Variants in CNTN3 observed in about 807,000 individuals in gnomAD.
The protein encoded by CNTN3 is contactin 3.
Under a neutral mutation model 119.1 loss-of-function variants are expected in CNTN3, and 60 were observed. The ratio of observed to expected loss-of-function variants is 0.50; its 90% CI spans 0.41 to 0.62. CNTN3 has a LOEUF of 0.62. CNTN3 is among the 20% of genes least tolerant of loss of function. The pLI, the probability that CNTN3 is intolerant of heterozygous loss-of-function variation, is 0.00. For synonymous variants in CNTN3, 450 were observed against 438.7 expected (o/e 1.03, Z -0.32); for missense variants, 1,101 against 1,242.4 (o/e 0.89, Z 1.71).
At chr3:74,571,150 C>T (rs1378851580) in intron 1 of CNTN3, among the ~76,000 whole-genome samples, 1 of 152,136 alleles carries the variant, frequency 6.6e-6, no homozygotes, top group Non-Finnish European at 1.5e-5. Context: ...AATTCTTCCC[C>T]TAGGTTGCAG....
intron 4 of CNTN3, among the ~76,000 whole-genome samples, chr3:74,462,026 T>A (rs1175304547): frequency 6.6e-6 from 1 of 152,088 alleles, no homozygotes; most frequent in East Asian, 1.9e-4. Flanking sequence ...GATCGATCCC[T>A]CATGAATAGT....
chr3:74,476,592 A>G (rs1702659729), intron 4 of CNTN3, among the ~76,000 whole-genome samples: 1 of 152,148 alleles, frequency 6.6e-6, no homozygotes, highest in South Asian at 2.1e-4. Context: ...GCAGGTTAGC[A>G]TTTGCAATAT....
At chr3:74,269,972 G>T (rs971852279) in intron 20 of CNTN3, among the ~76,000 whole-genome samples, 3 of 152,152 alleles carry the variant, frequency 2.0e-5, no homozygotes, top group African/African-American at 7.2e-5. Flanking sequence ...CTACAGAACT[G>T]TATGTTTTTA....
chr3:74,414,390 C>G (rs1701486751), intron 5 of CNTN3, among the ~76,000 whole-genome samples: 1 of 152,176 alleles, frequency 6.6e-6, no homozygotes, highest in Non-Finnish European at 1.5e-5. Context: ...AATACTTCAA[C>G]TCTTGTACTT....
At chr3:74,613,912 G>A (rs766792805) in intron 1 of CNTN3, among the ~76,000 whole-genome samples, 2 of 152,188 alleles carry the variant, frequency 1.3e-5, no homozygotes, top group Non-Finnish European at 2.9e-5. Flanking sequence ...AGAAAATGCA[G>A]CTTAGAAAAC....
intron 11 of CNTN3, among the ~76,000 whole-genome samples, chr3:74,343,311 C>A (rs552668828): frequency 6.6e-4 from 100 of 152,272 alleles, no homozygotes; most frequent in African/African-American, 2.3e-3. Context: ...TCTCTATGTG[C>A]AGCAAACACC....
At chr3:74,403,242 A>G (rs1392424082) in intron 5 of CNTN3, among the ~76,000 whole-genome samples, 1 of 152,212 alleles carries the variant, frequency 6.6e-6, no homozygotes, top group Non-Finnish European at 1.5e-5. Context: ...AGAGATGGAC[A>G]GTTTCAACAA....
chr3:74,348,645 C>G (rs537232576), intron 11 of CNTN3, among the ~76,000 whole-genome samples: 1 of 152,298 alleles, frequency 6.6e-6, no homozygotes, highest in Admixed American at 6.5e-5. Flanking sequence ...CACCTATCTT[C>G]CAGCTGCTGT....
At chr3:74,604,803 T>A (rs549205526) in intron 1 of CNTN3, among the ~76,000 whole-genome samples, 1 of 152,140 alleles carries the variant, frequency 6.6e-6, no homozygotes, top group African/African-American at 2.4e-5. Flanking sequence ...ATACTGGGCA[T>A]ATAGTCAAAG....
chr3:74,472,402 C>T (rs1456159924), intron 4 of CNTN3, among the ~76,000 whole-genome samples: 1 of 152,112 alleles, frequency 6.6e-6, no homozygotes, highest in Non-Finnish European at 1.5e-5. Flanking sequence ...GATTAAGTTA[C>T]CTGTCAATGG....
At chr3:74,362,868 C>G (rs890930179) in intron 10 of CNTN3, among the ~76,000 whole-genome samples, 1 of 152,096 alleles carries the variant, frequency 6.6e-6, no homozygotes, top group Non-Finnish European at 1.5e-5. Context: ...AATCATATTA[C>G]GTAATTATAC....
intron 4 of CNTN3, among the ~76,000 whole-genome samples, chr3:74,449,108 G>A (rs148199659): frequency 6.6e-6 from 1 of 151,924 alleles, no homozygotes; most frequent in South Asian, 2.1e-4. Flanking sequence ...GCCAACTCAG[G>A]TCTTTACAGA....
At chr3:74,384,415 A>G (rs1159427371) in intron 5 of CNTN3, among the ~76,000 whole-genome samples, 1 of 152,244 alleles carries the variant, frequency 6.6e-6, no homozygotes, top group Admixed American at 6.5e-5. Context: ...AAATATGTAG[A>G]ACTGCAGTAA....
chr3:74,458,429 T>G (rs1702307857), intron 4 of CNTN3, among the ~76,000 whole-genome samples: 1 of 151,998 alleles, frequency 6.6e-6, no homozygotes, highest in African/African-American at 2.4e-5. Flanking sequence ...GAATAACTTT[T>G]CATGACATGT....
chr3:74,307,913 T>C lies in CNTN3; in HGVS notation c.1669-5106A>G, dbSNP rs192599648. On this transcript the variant is annotated intron_variant, in intron 13 of 22. Coordinates refer to ENST00000263665, the MANE Select transcript of CNTN3 (RefSeq NM_020872.3). ...ATGGCTATTTGGAACCGAGGTTGAG[T>C]AAGCAGTCCTCTTTTTTTATGACTT... Among the ~76,000 whole-genome samples, 33 of 152,328 alleles carry C rather than the reference T, an allele frequency of 2.2e-4. 1 individual carries two copies. Among genetic ancestry groups the C allele is most frequent in the Admixed American group, 1.9e-3 (29 of 15,300 alleles).
chr3:74,484,728 AG>A (rs1702821410), intron 4 of CNTN3, among the ~76,000 whole-genome samples: 1 of 152,152 alleles, frequency 6.6e-6, no homozygotes, highest in South Asian at 2.1e-4. Flanking sequence ...CCCCAAAACC[AG>A]AAATTAGCCT....
intron 1 of CNTN3, among the ~76,000 whole-genome samples, chr3:74,604,074 TC>T (rs1704955565): frequency 6.6e-6 from 1 of 152,084 alleles, no homozygotes; most frequent in Non-Finnish European, 1.5e-5. Context: ...GAAGGGACAG[TC>T]TCTTCAATAC....
intron 1 of CNTN3, among the ~76,000 whole-genome samples, chr3:74,580,960 C>A (rs1336681256): frequency 6.6e-6 from 1 of 152,188 alleles, no homozygotes; most frequent in Non-Finnish European, 1.5e-5. Flanking sequence ...CTCAAGGAAT[C>A]TGCCCACCTC....
At chr3:74,418,341 C>G (rs1019011074) in intron 5 of CNTN3, among the ~76,000 whole-genome samples, 1 of 47,944 alleles carries the variant, frequency 2.1e-5, no homozygotes, top group Non-Finnish European at 4.1e-5. Context: ...AAAACATATT[C>G]CTTTTTTTTT....
Sources: allele counts gnomAD v4.1 joint callset (sites outside exome capture counted in the v4.1 genomes callset), GRCh38; gene constraint gnomAD v4.1.1; transcripts MANE v1.5; gene names NCBI Gene and HGNC (gene_info 2026-07-23, HGNC 2026-07-21).